Variants in ACSS3 observed in about 807,000 individuals in gnomAD.
ACSS3 encodes acyl-CoA synthetase short chain family member 3.
ACSS3 carries 64 observed loss-of-function variants against 84.2 expected under a neutral mutation model. That is an observed-to-expected ratio of 0.76 (90% confidence interval 0.62 to 0.94). The LOEUF (loss-of-function observed/expected upper bound fraction) is 0.94. Among genes scored for constraint, ACSS3 ranks in the 40% least tolerant of loss-of-function variants. The pLI is 0.00. For missense variants in ACSS3, 815 were observed against 867.6 expected (o/e 0.94, Z 0.76); for synonymous variants, 317 against 310.1 (o/e 1.02, Z -0.23).
rs2034373389 is a variant in ACSS3 at position 81,257,945 on chromosome 12, G to A, written c.*3023G>A. The A allele has an allele frequency of 6.6e-6, 1 of 152,066 alleles. No individual in the cohort carries two copies. The highest frequency in any genetic ancestry group is 2.4e-5 in the African/African-American group (1 of 41,424). 9.4% of individuals were successfully genotyped at this position (152,066 alleles called of 1,614,324 possible). On this transcript the variant is annotated 3_prime_UTR_variant, in exon 16 of 16. Transcript: ENST00000548058. ...CTTTAAAAGAAAGAAATTGATTTTA[G>A]TGATTGAGTGTTATATAATAGTAGA...
intron 1 of ACSS3, among the ~76,000 whole-genome samples, chr12:81,102,145 C>T (rs559086259): frequency 3.7e-4 from 56 of 151,992 alleles, no homozygotes; most frequent in African/African-American, 1.3e-3. Flanking sequence ...GTCAAGATAT[C>T]GGTAGTTGAG....
intron 1 of ACSS3, among the ~76,000 whole-genome samples, chr12:81,084,004 C>T (rs556701719): frequency 2.0e-5 from 3 of 152,050 alleles, no homozygotes; most frequent in Non-Finnish European, 4.4e-5. Context: ...TGTCTGTCGG[C>T]GATGGGTCAG....
intron 7 of ACSS3, chr12:81,158,302 AC>A (rs1414972067): frequency 6.5e-6 from 1 of 153,142 alleles, no homozygotes; most frequent in South Asian, 2.0e-4. Flanking sequence ...ATTAAAACAA[AC>A]AACAACAAAA....
At chr12:81,214,186 T>C (rs2032812537) in intron 9 of ACSS3, among the ~76,000 whole-genome samples, 1 of 151,604 alleles carries the variant, frequency 6.6e-6, no homozygotes, top group Admixed American at 6.6e-5. Context: ...CCACCACGCC[T>C]GGCTAATTTT....
chr12:81,260,337 G>A lies in ACSS3; in HGVS notation c.*5415G>A, dbSNP rs2034984492. On this transcript the variant is annotated 3_prime_UTR_variant, in exon 16 of 16. Coordinates refer to ENST00000548058, the MANE Select transcript of ACSS3 (RefSeq NM_024560.4). The stretch of plus-strand genomic sequence containing the variant: ...TAGGAAATATGAACTAGAATGTCAT[G>A]CACAAAAAACAGATTGCAAATAGAG... 6.6e-6 allele frequency: 1 copy of A among 152,176 alleles called. No homozygotes were observed. Among genetic ancestry groups the A allele is most frequent in the Non-Finnish European group, 1.5e-5 (1 of 68,036 alleles). The allele number at this position is 152,176 out of a possible 1,614,324, so 9.4% of individuals were successfully genotyped here.
intron 7 of ACSS3, among the ~76,000 whole-genome samples, chr12:81,161,701 TC>T (rs1887157216): frequency 6.6e-6 from 1 of 152,200 alleles, no homozygotes; most frequent in Non-Finnish European, 1.5e-5. Flanking sequence ...CCTGCTGGGC[TC>T]TCTCTGCCCA....
intron 11 of ACSS3, among the ~76,000 whole-genome samples, chr12:81,222,783 T>C (rs937630076): frequency 2.6e-5 from 4 of 152,076 alleles, no homozygotes; most frequent in Middle Eastern, 3.2e-3. Context: ...CCTAAACTAC[T>C]ATAGGTCTTA....
intron 11 of ACSS3, among the ~76,000 whole-genome samples, chr12:81,224,310 CT>C (rs1431027532): frequency 1.3e-5 from 2 of 151,834 alleles, no homozygotes; most frequent in African/African-American, 4.8e-5. Flanking sequence ...TTTTCTATAA[CT>C]TTAGAAAAAG....
chr12:81,157,495 G>A (rs1292168325), intron 7 of ACSS3, among the ~76,000 whole-genome samples: 3 of 152,164 alleles, frequency 2.0e-5, no homozygotes, highest in Non-Finnish European at 2.9e-5. Flanking sequence ...ATCTGTGGAA[G>A]TTCTAGCTCA....
At chr12:81,148,339 T>C (rs1886443427) in intron 5 of ACSS3, among the ~76,000 whole-genome samples, 1 of 152,194 alleles carries the variant, frequency 6.6e-6, no homozygotes, top group South Asian at 2.1e-4. Context: ...TTTACTTTAA[T>C]AGCCCCATTT....
At chr12:81,237,286 T>C (rs2033661805) in intron 13 of ACSS3, among the ~76,000 whole-genome samples, 1 of 151,478 alleles carries the variant, frequency 6.6e-6, no homozygotes, top group Non-Finnish European at 1.5e-5. Flanking sequence ...TAAATTAAAG[T>C]TTTATTATCC....
chr12:81,230,925 A>G (rs2033436640), intron 11 of ACSS3, 132 bp from the exon 12 acceptor site: 3 of 714,702 alleles, frequency 4.2e-6, no homozygotes, highest in Non-Finnish European at 7.1e-6. Context: ...TCTGTCCAGC[A>G]GATTTAGGGG....
At chr12:81,241,425 T>A (rs1358333031) in intron 13 of ACSS3, among the ~76,000 whole-genome samples, 1 of 152,254 alleles carries the variant, frequency 6.6e-6, no homozygotes, top group South Asian at 2.1e-4. Context: ...ACTTCCACAA[T>A]GGTTGAACTA....
chr12:81,145,067 A>ATTTTTTT (rs35753293), intron 5 of ACSS3, among the ~76,000 whole-genome samples: 14 of 100,896 alleles, frequency 1.4e-4, no homozygotes, highest in East Asian at 3.0e-4. Context: ...CGCCTGGCTA[A>ATTTTTTT]TTTTTTTTTT....
chr12:81,085,565 A>C (rs2121293066), intron 1 of ACSS3, among the ~76,000 whole-genome samples: 1 of 152,350 alleles, frequency 6.6e-6, no homozygotes, highest in Middle Eastern at 3.4e-3. Context: ...GGTTAGTATT[A>C]ATAGCTCCAG....
intron 13 of ACSS3, among the ~76,000 whole-genome samples, chr12:81,236,828 G>A (rs2033643612): frequency 6.6e-6 from 1 of 150,972 alleles, no homozygotes; most frequent in African/African-American, 2.4e-5. Context: ...TTGGGCCATG[G>A]TTATTGCTTG....
At chr12:81,131,037 A>G (rs577297147) in intron 2 of ACSS3, among the ~76,000 whole-genome samples, 115 of 152,272 alleles carry the variant, frequency 7.6e-4, no homozygotes, top group Middle Eastern at 3.4e-3. Flanking sequence ...GTAGCCTTGT[A>G]GTATAGTTTG....
At chr12:81,166,929 T>A (rs1157108373) in intron 7 of ACSS3, among the ~76,000 whole-genome samples, 1 of 152,192 alleles carries the variant, frequency 6.6e-6, no homozygotes, top group Non-Finnish European at 1.5e-5. Context: ...GTCTCATTAA[T>A]CACACTGAAT....
rs764481736 is a variant in ACSS3 at position 81,109,626 on chromosome 12, G to C, written c.378G>C (p.Gly126=). The C allele has an allele frequency of 6.2e-7, 1 of 1,611,636 alleles. No individual in the cohort carries two copies. The highest frequency in any genetic ancestry group is 8.5e-7 in the Non-Finnish European group (1 of 1,178,810). Residue 126 remains glycine (G), a synonymous_variant, in exon 2 of 16, where the codon GGG becomes GGC. Coordinates refer to ENST00000548058, the MANE Select transcript of ACSS3 (RefSeq NM_024560.4). ...AVDRHIENGK[G]DKIAIIYDSP... ...ATCGTCATATTGAAAATGGTAAAGG[G>C]GATAAGATTGCTATCATCTATGACA...
Sources: allele counts gnomAD v4.1 joint callset (sites outside exome capture counted in the v4.1 genomes callset), GRCh38; gene constraint gnomAD v4.1.1; transcripts MANE v1.5; gene names NCBI Gene and HGNC (gene_info 2026-07-23, HGNC 2026-07-21).